Variants in LYST observed in about 807,000 individuals in gnomAD.
LYST encodes lysosomal trafficking regulator, also known as lysosomal-trafficking regulator.
In LYST, 192 loss-of-function variants were observed where a neutral mutation model predicts 413.6. That is an observed-to-expected ratio of 0.46 (90% confidence interval 0.41 to 0.52). The LOEUF (loss-of-function observed/expected upper bound fraction) is 0.52. LYST is among the 20% of genes least tolerant of loss of function. The pLI, the probability that LYST is intolerant of heterozygous loss-of-function variation, is 0.00. For missense variants in LYST, 3,815 were observed against 4,499.9 expected (o/e 0.85, Z 4.35); for synonymous variants, 1,525 against 1,567.3 (o/e 0.97, Z 0.64).
chr1:235,781,754 A>C (rs1371455484), intron 15 of LYST, among the ~76,000 whole-genome samples, 173 bp downstream of exon 15: 1 of 152,234 alleles, frequency 6.6e-6, no homozygotes, highest in African/African-American at 2.4e-5. Context: ...AATCTTGGAA[A>C]TACAGTACTT....
At chr1:235,746,015 TG>T (rs1245504641) in intron 29 of LYST, among the ~76,000 whole-genome samples, 1 of 152,128 alleles carries the variant, frequency 6.6e-6, no homozygotes, top group Non-Finnish European at 1.5e-5. Flanking sequence ...GCAAGATTCA[TG>T]GGGGAAACTG....
chr1:235,806,382 C>T lies in LYST; in HGVS notation c.2754G>A (p.Glu918=), dbSNP rs373577384. The change falls in exon 6 of 53, where the codon GAG becomes GAA. Residue 918 remains glutamate (E), a synonymous_variant. Transcript: ENST00000389793. ...CVSKEAESDR[E]SANDSEDTSG... ...AAGTATCTTCTGAGTCATTGGCCGA[C>T]TCCCTGTCAGACTCTGCTTCTTTAC... is the stretch of plus-strand genomic sequence containing the variant. 2.9e-4 allele frequency: 469 copies of T among 1,614,056 alleles called. No individual in the cohort carries two copies. Among genetic ancestry groups the T allele is most frequent in the Middle Eastern group, 4.9e-4 (3 of 6,062 alleles).
chr1:235,735,744 T>C (rs913036080), intron 31 of LYST: 4 of 152,158 alleles, frequency 2.6e-5, no homozygotes, highest in African/African-American at 4.8e-5. Context: ...TAAATTAACA[T>C]GCTGAATCAC....
In LYST at chr1:235,731,297, A is replaced by G; in HGVS notation, c.8802-120T>C. 4 of 854,620 alleles carry G rather than the reference A, an allele frequency of 4.7e-6. No individual in the cohort carries two copies. In the South Asian group the frequency reaches 5.6e-5, roughly 12 times the overall value. 52.9% of individuals were successfully genotyped at this position (854,620 alleles called of 1,614,324 possible). A position where few individuals can be genotyped will look rare whatever the true frequency, so the allele number is the denominator to read the frequency against. On this transcript the variant is annotated intron_variant, in intron 34 of 52. Transcript: ENST00000389793. ...ACTGATCTGTTAATTTAAAAACTCC[A>G]AATGTTTATATATTTGATCAGGGAA...
chr1:235,706,363 G>A (rs979119055), intron 44 of LYST, among the ~76,000 whole-genome samples: 2 of 152,154 alleles, frequency 1.3e-5, no homozygotes, highest in African/African-American at 4.8e-5. Context: ...AAGGGACACA[G>A]AGGAATCTGA....
At chr1:235,791,604 G>A (rs750183373) in intron 12 of LYST, 95 bp downstream of exon 12, 36 of 980,528 alleles carry the variant, frequency 3.7e-5, no homozygotes, top group Non-Finnish European at 1.1e-5. Flanking sequence ...AACATGTTAA[G>A]AGTGTTAAGA....
rs1449389058 is a variant in LYST, at chr1:235,788,756, T to C, written c.4633A>G (p.Lys1545Glu). Residue 1545 changes from lysine to glutamate, a missense_variant, in exon 13 of 53, where the codon AAA becomes GAA. By Grantham distance (56) the Lys-to-Glu change is moderately conservative. This residue lies in a region of LYST where 1,648 missense variants were observed against 1,810.3 expected (regional missense o/e 0.91). Transcript: ENST00000389793. ...GCCCACACTTGGATCATCAACGCTTTGGATCCCAGTGAAATTATATGAATA... is the reference window on the plus strand; with the variant it reads ...GCCCACACTTGGATCATCAACGCTTCGGATCCCAGTGAAATTATATGAATA... ...GCIHIISLGSKALMIQVWADP... is the reference protein window; with the variant it reads ...GCIHIISLGSEALMIQVWADP... 7 of 1,613,466 alleles carry C rather than the reference T, an allele frequency of 4.3e-6. No homozygotes were observed. The highest frequency in any genetic ancestry group is 5.9e-6 in the Non-Finnish European group (7 of 1,179,612).
intron 1 of LYST, among the ~76,000 whole-genome samples, chr1:235,846,553 G>A (rs1260164329): frequency 6.6e-6 from 1 of 152,054 alleles, no homozygotes; most frequent in Non-Finnish European, 1.5e-5. Context: ...AAGAATTCAG[G>A]AGGTTAGATA....
At position 235,734,562 on chromosome 1, in the gene LYST, T is replaced by G. The variant is rs1205577485; in HGVS notation, c.8456A>C (p.Asn2819Thr). The change falls in exon 32 of 53, where the codon AAT (asparagine) becomes ACT (threonine). Residue 2819 changes from asparagine (N) to threonine (T), a missense_variant. Around this residue, in one of 4 missense-constraint regions of LYST, gnomAD observed 771 missense variants for 837.1 expected, o/e 0.92. Transcript: ENST00000389793. The part of the protein sequence containing the change: ...EELGTAELLM[N>T]ALKLCGHKCI... The stretch of plus-strand genomic sequence containing the variant: ...CTTGTGACCACATAACTTCAAAGCA[T>G]TCATAAGCAGTTCTGCTGTGCCTAG... The G allele has an allele frequency of 1.6e-5, 26 of 1,613,514 alleles. No individual in the cohort carries two copies. Among genetic ancestry groups the G allele is most frequent in the Non-Finnish European group, 2.2e-5 (26 of 1,179,566 alleles).
intron 28 of LYST, 35 bp downstream of exon 28, chr1:235,751,175 A>G: frequency 6.2e-7 from 1 of 1,600,486 alleles, no homozygotes; most frequent in Non-Finnish European, 8.6e-7. Flanking sequence ...GCTAGCCTCA[A>G]TTTATGGTTA....
chr1:235,869,483 T>C (rs78369033), upstream of LYST, among the ~76,000 whole-genome samples: 1 of 150,592 alleles, frequency 6.6e-6, no homozygotes. Context: ...AAAAAAAAAA[T>C]AATAATTAAA....
intron 14 of LYST, among the ~76,000 whole-genome samples, chr1:235,782,795 T>C (rs1013590305): frequency 6.6e-6 from 1 of 152,246 alleles, no homozygotes; most frequent in Non-Finnish European, 1.5e-5. Flanking sequence ...AAAAATGTTA[T>C]GTCATCTATG....
rs56208034 is a variant in LYST, at chr1:235,857,742, T to TACAC, written c.-98+9097_-98+9100dup. Among the ~76,000 whole-genome samples, 211 of 129,338 alleles carry TACAC rather than the reference T, an allele frequency of 1.6e-3. 4 individuals carry two copies. Among genetic ancestry groups the TACAC allele is most frequent in the African/African-American group, 5.5e-3 (177 of 32,108 alleles). The allele number at this position is 129,338 out of a possible 152,430, so 84.9% of individuals were successfully genotyped here. On this transcript the variant is annotated intron_variant, in intron 1 of 52. Transcript: ENST00000389793. ...GTATATATACACAAACATATGTAAA[T>TACAC]ACACACACACACACACACACACACA...
Position 235,808,991 on chromosome 1 carries a change from C to T in LYST, c.1827G>A (p.Gln609=). 6.2e-7 allele frequency: 1 copy of T among 1,614,000 alleles called. No individual in the cohort carries two copies. The highest frequency in any genetic ancestry group is 8.5e-7 in the Non-Finnish European group (1 of 1,179,932). ...GTTTGTTAAGGATATTCAATATATG[C>T]TGCTGAAAATTTTTCAGTGCTGGCA... ...FKLPALKNFQ[Q]HILNILNKLI... Residue 609 remains glutamine, a synonymous_variant, in exon 5 of 53, where the codon CAG becomes CAA. Coordinates refer to ENST00000389793, the MANE Select transcript of LYST (RefSeq NM_000081.4).
At position 235,806,496 on chromosome 1, in the gene LYST, T is replaced by C; in HGVS notation, c.2640A>G (p.Glu880=). ...SLSKFYAGLK[E]AYPKRRKTVN... ...CAGTCTTCCGTCTCTTTGGATAAGCTTCTTTGAGGCCAGCATAAAATTTGC... is the reference window on the plus strand; with the variant it reads ...CAGTCTTCCGTCTCTTTGGATAAGCCTCTTTGAGGCCAGCATAAAATTTGC... The change falls in exon 6 of 53, where the codon GAA becomes GAG. Residue 880 remains glutamate (E), a synonymous_variant. Coordinates refer to ENST00000389793, the MANE Select transcript of LYST (RefSeq NM_000081.4). 1 of 1,614,124 alleles carries C rather than the reference T, an allele frequency of 6.2e-7. No homozygotes were observed. Among genetic ancestry groups the C allele is most frequent in the Non-Finnish European group, 8.5e-7 (1 of 1,180,006 alleles).
intron 50 of LYST, among the ~76,000 whole-genome samples, chr1:235,673,416 C>T (rs1267275131): frequency 6.6e-6 from 1 of 152,140 alleles, no homozygotes; most frequent in African/African-American, 2.4e-5. Context: ...CCTTATCCCG[C>T]CTATGGTGGG....
chr1:235,827,819 G>A (rs1675502807), intron 3 of LYST: 1 of 800,464 alleles, frequency 1.2e-6, no homozygotes, highest in South Asian at 5.7e-5. Flanking sequence ...TATATCTTAT[G>A]ACTTAAAAGA....
Position 235,809,132 on chromosome 1 carries a change from C to A in LYST, c.1686G>T (p.Gln562His), listed in dbSNP as rs77091385. ...VCAHQCLRLLQQASLSSTCVQ... is the reference protein window; with the variant it reads ...VCAHQCLRLLHQASLSSTCVQ... ...CACAAGTGCTGCTCAAGGAAGCCTG[C>A]TGTAGTAAGCGCAAGCACTGATGGG... The change falls in exon 5 of 53, where the codon CAG (glutamine) becomes CAT (histidine). Residue 562 changes from glutamine to histidine, a missense_variant. By Grantham distance (24) the Gln-to-His change is conservative (BLOSUM62 0). Coordinates refer to ENST00000389793, the MANE Select transcript of LYST (RefSeq NM_000081.4). The surrounding 1 kb of genome is among the most constrained non-coding windows in gnomAD (Gnocchi z 4.0). The A allele has an allele frequency of 4.3e-6, 7 of 1,614,122 alleles. No homozygotes were observed. Among genetic ancestry groups the A allele is most frequent in the Admixed American group, 3.3e-5 (2 of 60,010 alleles).
chr1:235,771,913 GTTTGTTTTTTTT>G (rs1166341068), intron 19 of LYST, among the ~76,000 whole-genome samples: 5 of 95,182 alleles, frequency 5.3e-5, no homozygotes, highest in Non-Finnish European at 1.1e-4. Context: ...AGGTTTTTTA[GTTTGTTTTTTTT>G]TTTTTTTTTT....
Sources: allele counts gnomAD v4.1 joint callset (sites outside exome capture counted in the v4.1 genomes callset), GRCh38; gene constraint gnomAD v4.1.1; regional missense constraint gnomAD v4.1.1; non-coding constraint Gnocchi (gnomAD v3.1); transcripts MANE v1.5; gene names NCBI Gene and HGNC (gene_info 2026-07-23, HGNC 2026-07-21).